Variants in PSKH2 observed in about 807,000 individuals in gnomAD.
PSKH2 encodes the protein serine/threonine-protein kinase H2.
PSKH2 carries 16 observed loss-of-function variants against 22.5 expected under a neutral mutation model. The observed-to-expected ratio is 0.71, with a 90% confidence interval of 0.48 to 1.08. The LOEUF is 1.08. Among genes scored for constraint, PSKH2 ranks in the 50% least tolerant of loss-of-function variants. The pLI, the probability that PSKH2 is intolerant of heterozygous loss-of-function variation, is 0.00. For synonymous variants in PSKH2, 188 were observed against 184.8 expected (o/e 1.02, Z -0.14); for missense variants, 516 against 492.8 (o/e 1.05, Z -0.44).
intron 2 of PSKH2, among the ~76,000 whole-genome samples, chr8:86,055,659 A>T (rs1472362140): frequency 2.6e-5 from 4 of 152,232 alleles, no homozygotes; most frequent in African/African-American, 7.2e-5. Flanking sequence ...TACAATATTC[A>T]TTCCAAGAAT....
chr8:86,063,777 C>T (rs771374744), intron 2 of PSKH2, among the ~76,000 whole-genome samples, 188 bp downstream of exon 2: 1 of 152,166 alleles, frequency 6.6e-6, no homozygotes, highest in Non-Finnish European at 1.5e-5. Flanking sequence ...TGTCTGGAGA[C>T]ATTTGGGGGC....
intron 2 of PSKH2, among the ~76,000 whole-genome samples, chr8:86,056,077 C>T (rs926485619): frequency 6.6e-6 from 1 of 151,836 alleles, no homozygotes; most frequent in African/African-American, 2.4e-5. Flanking sequence ...TCACTTGAGA[C>T]CAAGAGTTCA....
intron 2 of PSKH2, among the ~76,000 whole-genome samples, chr8:86,061,579 C>T (rs1443541115): frequency 6.6e-6 from 1 of 152,050 alleles, no homozygotes; most frequent in East Asian, 1.9e-4. Flanking sequence ...TTGGAATATC[C>T]CCTTCCCTCA....
At chr8:86,056,947 G>A (rs1288482992) in intron 2 of PSKH2, among the ~76,000 whole-genome samples, 1 of 138,202 alleles carries the variant, frequency 7.2e-6, no homozygotes, top group South Asian at 2.4e-4. Context: ...TGTTGTTGTT[G>A]CTTAGAGAGA....
At chr8:86,049,747 A>AAAGAAAGG (rs1363102902) in intron 2 of PSKH2, among the ~76,000 whole-genome samples, 247 of 11,442 alleles carry the variant, frequency 0.022, 30 homozygotes, top group East Asian at 0.045. Context: ...AGAAAGAAAG[A>AAAGAAAGG]AACGAAAGAA....
chr8:86,064,816 C>T lies in PSKH2; in HGVS notation c.186-185G>A, dbSNP rs140770520. 1.0e-3 allele frequency among the ~76,000 whole-genome samples: 153 copies of T among 152,022 alleles called. 1 individual carries two copies. The highest frequency in any genetic ancestry group is 3.5e-3 in the African/African-American group (145 of 41,466). On this transcript the variant is annotated intron_variant, in intron 1 of 2. Coordinates refer to ENST00000276616, the MANE Select transcript of PSKH2 (RefSeq NM_033126.3). Reference sequence around the variant, plus strand: ...AATCCTGTTTTGAAATGGAGGAAAACGATATAAAGGTAATTTGTTGGTAGA... The same window carrying T: ...AATCCTGTTTTGAAATGGAGGAAAATGATATAAAGGTAATTTGTTGGTAGA...
At chr8:86,069,920 T>A (rs1372386271), upstream of PSKH2, among the ~76,000 whole-genome samples, 7 of 152,162 alleles carry the variant, frequency 4.6e-5, no homozygotes, top group Admixed American at 4.6e-4. Context: ...CCTGACAAAG[T>A]GAACATATAA....
chr8:86,067,650 G>T (rs534616670), intron 1 of PSKH2, among the ~76,000 whole-genome samples: 2 of 151,982 alleles, frequency 1.3e-5, no homozygotes, highest in African/African-American at 2.4e-5. Context: ...GGGAATTTTT[G>T]AACATAGATT....
rs1817630505 is a variant in PSKH2 at position 86,051,563 on chromosome 8, G to A, written c.853-2796C>T. Among the ~76,000 whole-genome samples, 4 of 152,170 alleles carry A rather than the reference G, an allele frequency of 2.6e-5. No individual in the cohort carries two copies. In the South Asian group the frequency reaches 8.3e-4, roughly 31 times the overall value. ...GAAAAACAAAATATAAACTCTGCAA[G>A]TCTAGAAAAAGCACATCAGTGACTG... On this transcript the variant is annotated intron_variant, in intron 2 of 2. Coordinates refer to ENST00000276616, the MANE Select transcript of PSKH2 (RefSeq NM_033126.3).
At chr8:86,049,666 AGT>A in intron 2 of PSKH2, among the ~76,000 whole-genome samples, 1 of 144,474 alleles carries the variant, frequency 6.9e-6, no homozygotes, top group African/African-American at 2.6e-5. Flanking sequence ...AGAGAGAAAG[AGT>A]GAGAAAGAAG....
intron 2 of PSKH2, among the ~76,000 whole-genome samples, chr8:86,050,678 G>T (rs1196958076): frequency 6.6e-6 from 1 of 152,138 alleles, no homozygotes; most frequent in Non-Finnish European, 1.5e-5. Flanking sequence ...AGTGTCCTTT[G>T]TCCTCTGCAA....
chr8:86,063,917 A>C (rs776372555), intron 2 of PSKH2, 48 bp downstream of exon 2: 5 of 1,447,610 alleles, frequency 3.5e-6, no homozygotes, highest in Non-Finnish European at 4.7e-6. Flanking sequence ...AAGGTGGAGA[A>C]GCCCCACTCT....
At position 86,066,874 on chromosome 8, in the gene PSKH2, C is replaced by T. The variant is rs970233777; in HGVS notation, c.186-2243G>A. ...TCTTTCCCCTTTTCCCTTTCCAACT[C>T]TGCTTTTCTATTCACATGCATTCTC... is the stretch of plus-strand genomic sequence containing the variant. On this transcript the variant is annotated intron_variant, in intron 1 of 2. Coordinates refer to ENST00000276616, the MANE Select transcript of PSKH2 (RefSeq NM_033126.3). Among the ~76,000 whole-genome samples the T allele has an allele frequency of 2.6e-5, 4 of 152,126 alleles. No individual in the cohort carries two copies. The East Asian group carries it at 7.7e-4, about 29-fold the overall frequency.
At position 86,064,053 on chromosome 8, in the gene PSKH2, A is replaced by G; in HGVS notation, c.764T>C (p.Leu255Ser). 6.2e-7 allele frequency: 1 copy of G among 1,614,150 alleles called. No individual in the cohort carries two copies. Among genetic ancestry groups the G allele is most frequent in the African/African-American group, 1.3e-5 (1 of 75,028 alleles). The change falls in exon 2 of 3, where the codon TTA (leucine) becomes TCA (serine). Residue 255 changes from leucine (L) to serine (S), a missense_variant. Coordinates refer to ENST00000276616, the MANE Select transcript of PSKH2 (RefSeq NM_033126.3). Reference protein sequence around the residue: ...MWALGVITYALLSGFLPFDDE... With the variant: ...MWALGVITYASLSGFLPFDDE... ...ATCAAAAGGCAGGAATCCGCTAAGT[A>G]AAGCATATGTGATCACACCAAGAGC...
intron 2 of PSKH2, among the ~76,000 whole-genome samples, chr8:86,060,050 A>C (rs919428906): frequency 6.6e-6 from 1 of 152,222 alleles, no homozygotes; most frequent in Non-Finnish European, 1.5e-5. Context: ...ACAGTATTAA[A>C]GTTCCAACAG....
chr8:86,069,687 G>T, upstream of PSKH2: 1 of 1,424,546 alleles, frequency 7.0e-7, no homozygotes, highest in Non-Finnish European at 9.2e-7. Flanking sequence ...CCGTTCCTCC[G>T]CCCTTTATCA....
chr8:86,048,465 C>G lies in PSKH2; in HGVS notation c.1155G>C (p.Leu385Phe). Residue 385 changes from leucine to phenylalanine, a missense_variant, in exon 3 of 3, where the codon TTG becomes TTC. Coordinates refer to ENST00000276616, the MANE Select transcript of PSKH2 (RefSeq NM_033126.3). ...RIVESPLSALL is the reference protein window; with the variant it reads ...RIVESPLSALF ...AATAGTTTTAGAGGTCATCTGCTTA[C>G]AAAAGCGCAGACAGTGGCGATTCTA... 1 of 1,609,288 alleles carries G rather than the reference C, an allele frequency of 6.2e-7. No homozygotes were observed. Among genetic ancestry groups the G allele is most frequent in the South Asian group, 1.1e-5 (1 of 90,926 alleles).
At chr8:86,061,230 G>T (rs911200679) in intron 2 of PSKH2, among the ~76,000 whole-genome samples, 1 of 152,070 alleles carries the variant, frequency 6.6e-6, no homozygotes, top group Non-Finnish European at 1.5e-5. Context: ...GTCTCCCCAG[G>T]AGTCTATCCA....
chr8:86,067,117 G>A (rs1458443589), intron 1 of PSKH2, among the ~76,000 whole-genome samples: 2 of 152,110 alleles, frequency 1.3e-5, no homozygotes, highest in Non-Finnish European at 2.9e-5. Context: ...AATAAAAGAA[G>A]CTTTATTCAA....
Sources: gnomAD v4.1 joint callset for allele counts (sites outside exome capture counted in the v4.1 genomes callset) on GRCh38, gnomAD v4.1.1 for gene constraint, MANE v1.5 for transcripts, NCBI Gene and HGNC (gene_info 2026-07-23, HGNC 2026-07-21) for gene names.